Variants in ZC3H8 observed in about 807,000 individuals in gnomAD.
The protein encoded by ZC3H8 is zinc finger CCCH domain-containing protein 8.
Under a neutral mutation model 42.5 loss-of-function variants are expected in ZC3H8, and 27 were observed. That is an observed-to-expected ratio of 0.64 (90% CI 0.47 to 0.88). The LOEUF (loss-of-function observed/expected upper bound fraction) is 0.88. Among genes scored for constraint, ZC3H8 ranks in the 40% least tolerant of loss-of-function variants. ZC3H8 has a pLI of 0.00. For missense variants in ZC3H8, 277 were observed against 336.1 expected, an observed-to-expected ratio of 0.82 and a Z score of 1.37; for synonymous variants, 101 against 110.1, an observed-to-expected ratio of 0.92 and a Z score of 0.52.
At chr2:112,250,894 G>C (rs1368742002) in intron 1 of ZC3H8, among the ~76,000 whole-genome samples, 1 of 152,148 alleles carries the variant, frequency 6.6e-6, no homozygotes, top group East Asian at 1.9e-4. Flanking sequence ...AGATGAAAAA[G>C]AAAAACTGTT....
chr2:112,227,433 G>A (rs951305327), intron 8 of ZC3H8, among the ~76,000 whole-genome samples: 1 of 152,208 alleles, frequency 6.6e-6, no homozygotes, highest in Non-Finnish European at 1.5e-5. Flanking sequence ...GCTGAGGCAG[G>A]AGAATCACCT....
At position 112,213,397 on chromosome 2, in the gene ZC3H8, T is replaced by A. The variant is rs1684205842; in HGVS notation, c.*3087A>T. On this transcript the variant is annotated 3_prime_UTR_variant, in exon 9 of 9. Coordinates refer to ENST00000409573, the MANE Select transcript of ZC3H8 (RefSeq NM_032494.3). ...GGGACAGTCATTTAACATCTCGGGGTCTGAATTCCTAAAGTTCTACAATTG... is the reference window on the plus strand; with the variant it reads ...GGGACAGTCATTTAACATCTCGGGGACTGAATTCCTAAAGTTCTACAATTG... The A allele has an allele frequency of 6.6e-6, 1 of 151,658 alleles. No homozygotes were observed. The highest frequency in any genetic ancestry group is 2.4e-5 in the African/African-American group (1 of 41,276). The allele number at this position is 151,658 out of a possible 1,614,324, so 9.4% of individuals were successfully genotyped here.
chr2:112,255,038 A>G lies in ZC3H8; in HGVS notation c.-57T>C. 1 of 1,536,366 alleles carries G rather than the reference A, an allele frequency of 6.5e-7. No homozygotes were observed. The highest frequency in any genetic ancestry group is 8.8e-7 in the Non-Finnish European group (1 of 1,138,662). ...GGAAGCTACAGAGTAACAACCCGAG[A>G]GAGTGACAACCCGGACGCGACGAGA... On this transcript the variant is annotated 5_prime_UTR_variant, in exon 1 of 9. Coordinates refer to ENST00000409573, the MANE Select transcript of ZC3H8 (RefSeq NM_032494.3).
In ZC3H8 at chr2:112,215,811, GAAAGAT is replaced by G. The variant is rs1684295682; in HGVS notation, c.*667_*672del. ...CTGACTACAGTTTATAAACCAATGAGAAAGATAAATATTCTTATATTTTAACAACAG... is the reference window on the plus strand; with the variant it reads ...CTGACTACAGTTTATAAACCAATGAGAAATATTCTTATATTTTAACAACAG... On this transcript the variant is annotated 3_prime_UTR_variant, in exon 9 of 9. Coordinates refer to ENST00000409573, the MANE Select transcript of ZC3H8 (RefSeq NM_032494.3). 6.6e-6 allele frequency: 1 copy of G among 152,056 alleles called. No individual in the cohort carries two copies. The allele number at this position is 152,056 out of a possible 1,614,324, so 9.4% of individuals were successfully genotyped here.
intron 1 of ZC3H8, among the ~76,000 whole-genome samples, chr2:112,253,654 A>G (rs184531358): frequency 6.8e-4 from 104 of 152,340 alleles, no homozygotes; most frequent in Non-Finnish European, 1.0e-3. Context: ...CATTTTGGCA[A>G]AATTCCAAGT....
intron 1 of ZC3H8, among the ~76,000 whole-genome samples, chr2:112,250,563 C>T (rs1158216149): frequency 1.3e-5 from 2 of 152,206 alleles, no homozygotes; most frequent in Non-Finnish European, 2.9e-5. Context: ...TCAACAACTA[C>T]TAAGTACCCA....
intron 8 of ZC3H8, among the ~76,000 whole-genome samples, chr2:112,227,001 T>A (rs1458646049): frequency 6.6e-6 from 1 of 152,144 alleles, no homozygotes. Context: ...CCAAGATTCA[T>A]CCATGATAAA....
intron 4 of ZC3H8, 72 bp from the exon 5 acceptor site, chr2:112,234,308 T>G (rs1037853744): frequency 4.2e-5 from 51 of 1,221,792 alleles, no homozygotes; most frequent in Non-Finnish European, 5.3e-5. Flanking sequence ...TTGCACAAAA[T>G]TATTTAAACC....
At chr2:112,246,529 G>A (rs911197976) in intron 2 of ZC3H8, among the ~76,000 whole-genome samples, 1 of 152,282 alleles carries the variant, frequency 6.6e-6, no homozygotes, top group African/African-American at 2.4e-5. Flanking sequence ...ATGACTTTGA[G>A]GAGTTCAAGA....
At chr2:112,243,685 C>T (rs539449323) in intron 2 of ZC3H8, among the ~76,000 whole-genome samples, 60 of 152,214 alleles carry the variant, frequency 3.9e-4, no homozygotes, top group Non-Finnish European at 8.2e-4. Context: ...GTTTTCTCTC[C>T]TTCATTATAT....
intron 8 of ZC3H8, among the ~76,000 whole-genome samples, chr2:112,221,313 T>C (rs2872046): frequency 0.68 from 102,962 of 151,856 alleles, 35,210 homozygotes; most frequent in Middle Eastern, 0.77. Flanking sequence ...TGAATGCTCA[T>C]AAGATATGGT....
In ZC3H8 at chr2:112,253,070, C is replaced by T. The variant is rs556589719; in HGVS notation, c.74+1838G>A. Among the ~76,000 whole-genome samples the T allele has an allele frequency of 1.1e-3, 160 of 151,952 alleles. 1 individual carries two copies. The highest frequency in any genetic ancestry group is 3.4e-3 in the African/African-American group (142 of 41,470). On this transcript the variant is annotated intron_variant, in intron 1 of 8. Coordinates refer to ENST00000409573, the MANE Select transcript of ZC3H8 (RefSeq NM_032494.3). ...AATGGTGTGAACCCGGAAGGCAGAG[C>T]TTGCAGTGAGCCGAGATCGCGCCAC...
chr2:112,248,132 C>G (rs1443567874), intron 2 of ZC3H8, among the ~76,000 whole-genome samples: 1 of 152,158 alleles, frequency 6.6e-6, no homozygotes, highest in African/African-American at 2.4e-5. Context: ...TTGAGACCAG[C>G]CTGGGCAACA....
At chr2:112,236,453 G>C in intron 4 of ZC3H8, 109 bp downstream of exon 4, 1 of 1,425,656 alleles carries the variant, frequency 7.0e-7, no homozygotes, top group Non-Finnish European at 9.4e-7. Context: ...CGATTCTGTG[G>C]GATGCTTCCA....
At position 112,239,881 on chromosome 2, in the gene ZC3H8, G is replaced by A. The variant is rs543489831; in HGVS notation, c.157-1353C>T. On this transcript the variant is annotated intron_variant, in intron 2 of 8. Transcript: ENST00000409573. The stretch of plus-strand genomic sequence containing the variant: ...ATTACAGCCATGAGCCACCATGCCC[G>A]GCAACAGTTTACTTCTGATGGTTAA... Among the ~76,000 whole-genome samples, 5 of 152,190 alleles carry A rather than the reference G, an allele frequency of 3.3e-5. No individual in the cohort carries two copies. The South Asian group carries it at 6.2e-4, about 19-fold the overall frequency.
chr2:112,234,389 G>C (rs1685224959), intron 4 of ZC3H8, among the ~76,000 whole-genome samples, 153 bp from the exon 5 acceptor site: 1 of 152,152 alleles, frequency 6.6e-6, no homozygotes, highest in East Asian at 1.9e-4. Context: ...CTGTACACCA[G>C]GTTAAAAATG....
chr2:112,240,224 GT>G (rs1685522249), intron 2 of ZC3H8: 1 of 152,210 alleles, frequency 6.6e-6, no homozygotes, highest in African/African-American at 2.4e-5. Context: ...TGTAAATACA[GT>G]TTTACTGTAA....
At chr2:112,245,779 C>T (rs1286506104) in intron 2 of ZC3H8, among the ~76,000 whole-genome samples, 1 of 152,162 alleles carries the variant, frequency 6.6e-6, no homozygotes, top group Admixed American at 6.5e-5. Flanking sequence ...GTAAATGAAA[C>T]AGCCTTATGT....
At chr2:112,248,478 CTA>C (rs1685832780) in intron 2 of ZC3H8, among the ~76,000 whole-genome samples, 1 of 152,132 alleles carries the variant, frequency 6.6e-6, no homozygotes, top group African/African-American at 2.4e-5. Flanking sequence ...ACCCATTCTT[CTA>C]TAGTGTGTTA....
Sources: gnomAD v4.1 joint callset for allele counts (sites outside exome capture counted in the v4.1 genomes callset) on GRCh38, gnomAD v4.1.1 for gene constraint, MANE v1.5 for transcripts, NCBI Gene and HGNC (gene_info 2026-07-23, HGNC 2026-07-21) for gene names.